Variants in ARHGEF4 observed in about 807,000 individuals in gnomAD.
ARHGEF4 encodes Rho guanine nucleotide exchange factor 4.
Under a neutral mutation model 162.0 loss-of-function variants are expected in ARHGEF4, and 119 were observed. The ratio of observed to expected loss-of-function variants is 0.73; its 90% CI spans 0.63 to 0.86. The LOEUF (loss-of-function observed/expected upper bound fraction) is 0.86. Among genes scored for constraint, ARHGEF4 ranks in the 40% least tolerant of loss-of-function variants. The pLI is 0.00. For synonymous variants in ARHGEF4, 1,014 were observed against 979.9 expected, an observed-to-expected ratio of 1.03 and a Z score of -0.65; for missense variants, 2,488 against 2,456.0, an observed-to-expected ratio of 1.01 and a Z score of -0.28.
intron 4 of ARHGEF4, among the ~76,000 whole-genome samples, chr2:130,999,295 C>T (rs1305499488): frequency 3.3e-5 from 5 of 151,768 alleles, no homozygotes; most frequent in Admixed American, 2.0e-4. Context: ...GCTGGGACTA[C>T]AGGCGCCCGC....
intron 1 of ARHGEF4, among the ~76,000 whole-genome samples, chr2:130,876,134 C>T (rs576694798): frequency 4.6e-5 from 7 of 152,312 alleles, no homozygotes; most frequent in South Asian, 4.1e-4. Flanking sequence ...GTCCTCACCC[C>T]GCAGGTGATT....
At chr2:131,010,344 C>G (rs2105330588) in intron 4 of ARHGEF4, among the ~76,000 whole-genome samples, 1 of 152,298 alleles carries the variant, frequency 6.6e-6, no homozygotes, top group South Asian at 2.1e-4. Flanking sequence ...TGGTTTCTGC[C>G]TGCTTTAGGT....
chr2:131,043,716 C>T, intron 11 of ARHGEF4, 133 bp downstream of exon 11: 1 of 1,000,204 alleles, frequency 1.0e-6, no homozygotes, highest in Non-Finnish European at 1.3e-6. Flanking sequence ...ACCCTTGGGG[C>T]TGGGATGGGG....
intron 1 of ARHGEF4, among the ~76,000 whole-genome samples, chr2:130,910,725 C>T (rs1681129406): frequency 6.6e-6 from 1 of 152,154 alleles, no homozygotes; most frequent in African/African-American, 2.4e-5. Context: ...AAAGTAGGAC[C>T]TTGTACTATG....
intron 13 of ARHGEF4, 28 bp from the exon 14 acceptor site, chr2:131,046,010 T>C: frequency 1.9e-6 from 3 of 1,596,028 alleles, no homozygotes; most frequent in Middle Eastern, 1.8e-4. Flanking sequence ...TGGGCACCCA[T>C]GACCCTCTGC....
chr2:130,988,445 C>T (rs1686667352), intron 4 of ARHGEF4, among the ~76,000 whole-genome samples: 1 of 152,212 alleles, frequency 6.6e-6, no homozygotes, highest in African/African-American at 2.4e-5. Flanking sequence ...TTAAAATTCA[C>T]TGTTACTGGT....
At chr2:130,926,100 C>T (rs1321792719) in intron 2 of ARHGEF4, among the ~76,000 whole-genome samples, 2 of 128,244 alleles carry the variant, frequency 1.6e-5, no homozygotes, top group African/African-American at 3.3e-5. Context: ...CTCTGTTGTT[C>T]AGATTGTATA....
chr2:131,001,321 A>AAAC (rs1312878633), intron 4 of ARHGEF4, among the ~76,000 whole-genome samples: 1 of 151,406 alleles, frequency 6.6e-6, no homozygotes, highest in Non-Finnish European at 1.5e-5. Context: ...AAAAAAAAAA[A>AAAC]AAAAAAACAG....
chr2:130,871,391 C>G (rs1013248521), intron 1 of ARHGEF4, among the ~76,000 whole-genome samples: 7 of 151,864 alleles, frequency 4.6e-5, no homozygotes, highest in African/African-American at 9.7e-5. Flanking sequence ...CAAAAATTAG[C>G]CAGGCTTGGT....
intron 4 of ARHGEF4, among the ~76,000 whole-genome samples, chr2:131,008,235 A>AT (rs1458177589): frequency 6.6e-6 from 1 of 152,208 alleles, no homozygotes; most frequent in Non-Finnish European, 1.5e-5. Context: ...ATTAGAATCA[A>AT]TGCTGGAATC....
intron 1 of ARHGEF4, among the ~76,000 whole-genome samples, chr2:130,838,375 G>T (rs1680352254): frequency 6.6e-6 from 1 of 152,192 alleles, no homozygotes; most frequent in Admixed American, 6.5e-5. Context: ...GCCGAGTGGG[G>T]GGGGCGGATC....
At chr2:130,917,793 C>T (rs149902617) in intron 2 of ARHGEF4, among the ~76,000 whole-genome samples, 70 of 151,740 alleles carry the variant, frequency 4.6e-4, no homozygotes, top group African/African-American at 1.6e-3. Flanking sequence ...GGGCACTGCC[C>T]ATTTTCTTTT....
intron 1 of ARHGEF4, among the ~76,000 whole-genome samples, chr2:130,907,905 C>A (rs920528490): frequency 2.0e-5 from 3 of 150,100 alleles, no homozygotes; most frequent in Middle Eastern, 3.4e-3. Context: ...TGCAGTGAGC[C>A]GAGATCACAC....
intron 4 of ARHGEF4, chr2:130,964,090 G>A (rs1241169494): frequency 3.5e-6 from 3 of 854,050 alleles, no homozygotes; most frequent in Non-Finnish European, 4.2e-6. Context: ...GCAGACGAGT[G>A]GCGATCTCGG....
chr2:130,874,816 C>A (rs540894796), intron 1 of ARHGEF4, among the ~76,000 whole-genome samples: 8 of 152,122 alleles, frequency 5.3e-5, no homozygotes, highest in Non-Finnish European at 1.0e-4. Context: ...CACAGATCTG[C>A]GGTCCATTTC....
At chr2:130,859,408 A>C (rs1681923012) in intron 1 of ARHGEF4, among the ~76,000 whole-genome samples, 1 of 100,146 alleles carries the variant, frequency 1.0e-5, no homozygotes, top group Non-Finnish European at 2.5e-5. Flanking sequence ...AAAATTTCAA[A>C]TCAAATTGTG....
At position 130,915,423 on chromosome 2, in the gene ARHGEF4, T is replaced by C. The variant is rs759285957; in HGVS notation, c.1477T>C (p.Trp493Arg). 6.4e-7 allele frequency: 1 copy of C among 1,550,588 alleles called. No individual in the cohort carries two copies. ...TGAGAGAGAGACACAGAAGCACCTC[T>C]GGGGCATTTCTGTCCAGGCAGGAAA... ...ADERETQKHL[W>R]GISVQAGNQT... The change falls in exon 2 of 14, where the codon TGG becomes CGG. Residue 493 changes from tryptophan to arginine, a missense_variant. By Grantham distance (101) the Trp-to-Arg change is moderately radical (BLOSUM62 -3). Transcript: ENST00000409359.
At chr2:130,837,791 G>A (rs965376713) in intron 1 of ARHGEF4, 12 of 288,856 alleles carry the variant, frequency 4.2e-5, no homozygotes, top group Non-Finnish European at 7.6e-5. Flanking sequence ...AAGGAGAGGC[G>A]GGGAAGAGCC....
chr2:130,901,369 A>G (rs370771524), intron 1 of ARHGEF4, among the ~76,000 whole-genome samples: 76 of 152,216 alleles, frequency 5.0e-4, no homozygotes, highest in African/African-American at 1.8e-3. Context: ...GTCGCTGACC[A>G]GGCCACTGCT....
Sources: allele counts gnomAD v4.1 joint callset (sites outside exome capture counted in the v4.1 genomes callset), GRCh38; gene constraint gnomAD v4.1.1; transcripts MANE v1.5; gene names NCBI Gene and HGNC (gene_info 2026-07-23, HGNC 2026-07-21).